Variants in GABRA2 observed in about 807,000 individuals in gnomAD.
GABRA2 encodes the protein gamma-aminobutyric acid type A receptor subunit alpha2, also known as gamma-aminobutyric acid receptor subunit alpha-2.
GABRA2 carries 16 observed loss-of-function variants against 48.7 expected under a neutral mutation model. That is an observed-to-expected ratio of 0.33 (90% CI 0.22 to 0.50). The LOEUF (loss-of-function observed/expected upper bound fraction) is 0.50. Among genes scored for constraint, GABRA2 ranks in the 20% least tolerant of loss-of-function variants. The pLI, the probability that GABRA2 is intolerant of heterozygous loss-of-function variation, is 0.98. For missense variants in GABRA2, 275 were observed against 535.6 expected (o/e 0.51, Z 4.80); for synonymous variants, 185 against 184.5 (o/e 1.00, Z -0.02).
At chr4:46,353,698 A>G (rs1335729913) in intron 3 of GABRA2, among the ~76,000 whole-genome samples, 1 of 152,084 alleles carries the variant, frequency 6.6e-6, no homozygotes. Flanking sequence ...AAATTTCTAT[A>G]AGCCCTCATC....
chr4:46,269,108 T>A (rs184131367), intron 8 of GABRA2, among the ~76,000 whole-genome samples: 1 of 152,012 alleles, frequency 6.6e-6, no homozygotes, highest in East Asian at 1.9e-4. Flanking sequence ...ATAATTTTGA[T>A]GTTTTTTTGA....
chr4:46,340,324 T>C (rs1005741630), intron 3 of GABRA2, among the ~76,000 whole-genome samples: 1 of 151,960 alleles, frequency 6.6e-6, no homozygotes, highest in Non-Finnish European at 1.5e-5. Flanking sequence ...TCTCTAAACT[T>C]GAAACATTTT....
At chr4:46,358,506 T>C (rs1182920363) in intron 3 of GABRA2, among the ~76,000 whole-genome samples, 2 of 152,208 alleles carry the variant, frequency 1.3e-5, no homozygotes, top group African/African-American at 4.8e-5. Flanking sequence ...TTCTTAGAGA[T>C]GGTAGGTCTC....
Position 46,389,983 on chromosome 4 carries a change from T to C in GABRA2, c.-259A>G. 1.0e-6 allele frequency: 1 copy of C among 966,152 alleles called. No homozygotes were observed. The highest frequency in any genetic ancestry group is 1.2e-6 in the Non-Finnish European group (1 of 825,948). 59.8% of individuals were successfully genotyped at this position (966,152 alleles called of 1,614,324 possible). On this transcript the variant is annotated 5_prime_UTR_variant, in exon 1 of 10. Coordinates refer to ENST00000381620, the MANE Select transcript of GABRA2 (RefSeq NM_000807.4). Reference sequence around the variant, plus strand: ...GAGGCGAAGGCGTTCGTAGTGGCGGTGATGGGCGGAGGAGGAGGAAGAGGA... The same window carrying C: ...GAGGCGAAGGCGTTCGTAGTGGCGGCGATGGGCGGAGGAGGAGGAAGAGGA...
chr4:46,256,509 A>G (rs758250252), intron 9 of GABRA2: 4 of 415,422 alleles, frequency 9.6e-6, no homozygotes, highest in African/African-American at 2.1e-5. Context: ...ATTTCAGTGT[A>G]AGGAAAAGTT....
chr4:46,250,992 A>G (rs2109376653), intron 9 of GABRA2, among the ~76,000 whole-genome samples: 1 of 151,732 alleles, frequency 6.6e-6, no homozygotes, highest in Non-Finnish European at 1.5e-5. Flanking sequence ...ATAATCTACA[A>G]TGAATGATCC....
Position 46,245,054 on chromosome 4 carries a change from G to T in GABRA2, c.*5254C>A, listed in dbSNP as rs534352933. On this transcript the variant is annotated 3_prime_UTR_variant, in exon 10 of 10. Coordinates refer to ENST00000381620, the MANE Select transcript of GABRA2 (RefSeq NM_000807.4). ...TTTTGTTTTTTTGTTTGTTTGTTTCGTTTACCTTTCCTATAATATATGTAA... is the reference window on the plus strand; with the variant it reads ...TTTTGTTTTTTTGTTTGTTTGTTTCTTTTACCTTTCCTATAATATATGTAA... Among the ~76,000 whole-genome samples the T allele has an allele frequency of 1.3e-5, 2 of 150,638 alleles. No homozygotes were observed. The highest frequency in any genetic ancestry group is 4.2e-4 in the South Asian group (2 of 4,798).
At chr4:46,328,271 AGTGT>A (rs71193862) in intron 4 of GABRA2, among the ~76,000 whole-genome samples, 131 of 128,664 alleles carry the variant, frequency 1.0e-3, no homozygotes, top group African/African-American at 2.3e-3. Context: ...AAGATAGCAG[AGTGT>A]GTGTGTGTGT....
chr4:46,265,385 A>AATAT (rs201380084), intron 8 of GABRA2, among the ~76,000 whole-genome samples: 1 of 123,358 alleles, frequency 8.1e-6, no homozygotes, highest in Admixed American at 8.5e-5. Context: ...GTGTGTACAC[A>AATAT]ATATATATAT....
intron 3 of GABRA2, among the ~76,000 whole-genome samples, chr4:46,345,924 T>C (rs1172441874): frequency 6.6e-6 from 1 of 151,970 alleles, no homozygotes; most frequent in Non-Finnish European, 1.5e-5. Context: ...AGTAAAGACA[T>C]GAATGTACAA....
chr4:46,250,657 A>G, intron 9 of GABRA2, 53 bp from the exon 10 acceptor site: 1 of 1,363,302 alleles, frequency 7.3e-7, no homozygotes. Context: ...GCTACTTAAC[A>G]TTTTCTAAAG....
At chr4:46,253,896 A>G (rs1715292594) in intron 9 of GABRA2, among the ~76,000 whole-genome samples, 1 of 151,460 alleles carries the variant, frequency 6.6e-6, no homozygotes, top group African/African-American at 2.4e-5. Context: ...GTCCATTTAA[A>G]AGTAATAACT....
chr4:46,383,737 G>A (rs1014752333), intron 3 of GABRA2, among the ~76,000 whole-genome samples: 4 of 152,198 alleles, frequency 2.6e-5, no homozygotes, highest in African/African-American at 9.7e-5. Context: ...CTGGTGTTAA[G>A]ATGATTTGCA....
intron 4 of GABRA2, among the ~76,000 whole-genome samples, chr4:46,313,999 G>C (rs1254851158): frequency 6.6e-6 from 1 of 152,080 alleles, no homozygotes; most frequent in African/African-American, 2.4e-5. Context: ...GAAAATCCTA[G>C]GTACTGGCAT....
At chr4:46,329,026 T>C (rs886630784) in intron 4 of GABRA2, among the ~76,000 whole-genome samples, 3 of 152,120 alleles carry the variant, frequency 2.0e-5, no homozygotes, top group African/African-American at 7.2e-5. Flanking sequence ...GTTACTTGTG[T>C]CTATAAGTTA....
chr4:46,390,118 GC>G lies in GABRA2; in HGVS notation c.-395del. Reference sequence around the variant, plus strand: ...TGCGCGCCGGCGGTGGCGGGCACGAGCCCCGCGCCTGGAGGAGGAGGAGTCA... The same window carrying G: ...TGCGCGCCGGCGGTGGCGGGCACGAGCCCGCGCCTGGAGGAGGAGGAGTCA... On this transcript the variant is annotated 5_prime_UTR_variant, in exon 1 of 10. Coordinates refer to ENST00000381620, the MANE Select transcript of GABRA2 (RefSeq NM_000807.4). The G allele has an allele frequency of 1.0e-6, 1 of 969,860 alleles. No individual in the cohort carries two copies. Among genetic ancestry groups the G allele is most frequent in the Non-Finnish European group, 1.2e-6 (1 of 816,146 alleles). The allele number at this position is 969,860 out of a possible 1,614,324, so 60.1% of individuals were successfully genotyped here.
intron 8 of GABRA2, among the ~76,000 whole-genome samples, chr4:46,283,918 C>T (rs926157815): frequency 6.6e-6 from 1 of 151,794 alleles, no homozygotes; most frequent in African/African-American, 2.4e-5. Context: ...CGCCACCACA[C>T]CCGGCTAATT....
intron 8 of GABRA2, among the ~76,000 whole-genome samples, chr4:46,271,386 C>T (rs560415667): frequency 6.6e-6 from 1 of 152,146 alleles, no homozygotes; most frequent in African/African-American, 2.4e-5. Context: ...GCTATGCATA[C>T]TGCAGCATTA....
In GABRA2 at chr4:46,301,455, C is replaced by T. The variant is rs958448152; in HGVS notation, c.856+2005G>A. On this transcript the variant is annotated intron_variant, in intron 8 of 9. Transcript: ENST00000381620. ...GTTAAGATAAAAGTACATTTTATTA[C>T]GATGACCTATAAGGCCCTTCTCATC... Among the ~76,000 whole-genome samples the T allele has an allele frequency of 5.9e-5, 9 of 152,174 alleles. No individual in the cohort carries two copies. The South Asian group carries it at 1.7e-3, about 28-fold the overall frequency.
Sources: allele counts gnomAD v4.1 joint callset (sites outside exome capture counted in the v4.1 genomes callset), GRCh38; gene constraint gnomAD v4.1.1; transcripts MANE v1.5; gene names NCBI Gene and HGNC (gene_info 2026-07-23, HGNC 2026-07-21).